Variants in PHACTR4 observed in about 807,000 individuals in gnomAD.
The protein encoded by PHACTR4 is phosphatase and actin regulator 4.
In PHACTR4, 51 loss-of-function variants were observed where a neutral mutation model predicts 72.7. The ratio of observed to expected loss-of-function variants is 0.70; its 90% CI spans 0.56 to 0.89. The LOEUF is 0.89. Ranked by LOEUF, PHACTR4 falls within the 40% of genes least tolerant of loss-of-function variation. The probability of loss-of-function intolerance (pLI) is 0.00; values close to 1 mark genes in which losing one functional copy is unlikely to be tolerated. For missense variants in PHACTR4, 731 were observed against 861.8 expected (o/e 0.85, Z 1.90); for synonymous variants, 255 against 302.5 (o/e 0.84, Z 1.63).
At chr1:28,375,009 GA>G (rs1326448419) in intron 1 of PHACTR4, among the ~76,000 whole-genome samples, 2 of 152,096 alleles carry the variant, frequency 1.3e-5, no homozygotes, top group African/African-American at 4.8e-5. Flanking sequence ...ACTACTATTA[GA>G]AGAAGAGGCC....
chr1:28,494,225 T>G (rs1661201645), intron 13 of PHACTR4: 1 of 152,026 alleles, frequency 6.6e-6, no homozygotes, highest in South Asian at 2.1e-4. Flanking sequence ...TATTTTTTGA[T>G]TTAGGCAGGG....
At chr1:28,403,503 A>G (rs527253620) in intron 1 of PHACTR4, among the ~76,000 whole-genome samples, 3 of 152,312 alleles carry the variant, frequency 2.0e-5, no homozygotes, top group East Asian at 1.9e-4. Context: ...AGCCAGTGCA[A>G]CAGCATGCTA....
At chr1:28,446,873 T>C (rs1382998415) in intron 2 of PHACTR4, among the ~76,000 whole-genome samples, 1 of 152,178 alleles carries the variant, frequency 6.6e-6, no homozygotes, top group Non-Finnish European at 1.5e-5. Context: ...TCTTCCACCA[T>C]GATTGTAAGT....
chr1:28,440,226 C>T (rs1424563849), intron 2 of PHACTR4, among the ~76,000 whole-genome samples: 7 of 144,736 alleles, frequency 4.8e-5, no homozygotes, highest in East Asian at 2.2e-4. Flanking sequence ...GGCGTGAACC[C>T]GGGAGGCGGA....
At chr1:28,457,110 G>A (rs1255075457) in intron 2 of PHACTR4, among the ~76,000 whole-genome samples, 2 of 152,028 alleles carry the variant, frequency 1.3e-5, no homozygotes, top group Non-Finnish European at 2.9e-5. Context: ...TCTGGGCATA[G>A]CAAACTAATG....
At chr1:28,494,920 G>A (rs1230617598) in intron 13 of PHACTR4, among the ~76,000 whole-genome samples, 1 of 152,114 alleles carries the variant, frequency 6.6e-6, no homozygotes, top group Non-Finnish European at 1.5e-5. Flanking sequence ...AGGATGAAGA[G>A]ACTAGCAGCA....
chr1:28,457,504 G>A (rs1658476775), intron 2 of PHACTR4, among the ~76,000 whole-genome samples: 1 of 152,070 alleles, frequency 6.6e-6, no homozygotes, highest in Non-Finnish European at 1.5e-5. Flanking sequence ...TCAGGAGGCT[G>A]AGGCAGGAGG....
chr1:28,476,385 GT>G, intron 8 of PHACTR4, 94 bp downstream of exon 8: 1 of 1,289,382 alleles, frequency 7.8e-7, no homozygotes, highest in Non-Finnish European at 1.0e-6. Flanking sequence ...ATGGAAACAG[GT>G]ACCTTCTCCC....
chr1:28,452,890 GGGTGGATCACTTGA>G (rs1340985243), intron 2 of PHACTR4, among the ~76,000 whole-genome samples: 3 of 152,188 alleles, frequency 2.0e-5, no homozygotes, highest in Non-Finnish European at 4.4e-5. Context: ...AGGCCAAGGT[GGGTGGATCACTTGA>G]GGTCAGGAGC....
At chr1:28,378,283 C>G (rs1430653677) in intron 1 of PHACTR4, among the ~76,000 whole-genome samples, 1 of 148,438 alleles carries the variant, frequency 6.7e-6, no homozygotes, top group African/African-American at 2.5e-5. Flanking sequence ...GGGTGGATCA[C>G]CTGAGGTCAG....
At chr1:28,457,949 G>A (rs1462742894) in intron 2 of PHACTR4, 2 of 809,182 alleles carry the variant, frequency 2.5e-6, no homozygotes, top group Admixed American at 1.3e-4. Context: ...TTAAATTCTT[G>A]GCCCCGCCTT....
chr1:28,409,484 A>G (rs1192038438), intron 2 of PHACTR4, among the ~76,000 whole-genome samples: 1 of 152,126 alleles, frequency 6.6e-6, no homozygotes, highest in African/African-American at 2.4e-5. Context: ...AGTACTTTTC[A>G]TTTTAAAATA....
intron 2 of PHACTR4, among the ~76,000 whole-genome samples, chr1:28,454,246 G>T (rs1658195916): frequency 1.4e-5 from 2 of 139,996 alleles, no homozygotes; most frequent in Admixed American, 1.4e-4. Flanking sequence ...AAAATTAATA[G>T]AACTAAGAGA....
chr1:28,386,608 T>C (rs1194815657), intron 1 of PHACTR4, among the ~76,000 whole-genome samples: 2 of 152,176 alleles, frequency 1.3e-5, no homozygotes, highest in Non-Finnish European at 2.9e-5. Flanking sequence ...TGCTCCTATG[T>C]TGGGTATATA....
At chr1:28,370,265 A>T (rs1014515310) in intron 1 of PHACTR4, among the ~76,000 whole-genome samples, 1 of 152,050 alleles carries the variant, frequency 6.6e-6, no homozygotes, top group African/African-American at 2.4e-5. Flanking sequence ...AGACCTCTGC[A>T]CCCCTGCTGG....
rs563370022 is a variant in PHACTR4, at chr1:28,391,691, T to C, written c.-38-15719T>C. On this transcript the variant is annotated intron_variant, in intron 1 of 13. Coordinates refer to ENST00000373839, the MANE Select transcript of PHACTR4 (RefSeq NM_001048183.3). ...CATGATCTTGGCTCACTGCAACCTC[T>C]GCCTCCCAGGTTCAAGCGATTCTCC... 2.1e-4 allele frequency among the ~76,000 whole-genome samples: 31 copies of C among 148,788 alleles called. No individual in the cohort carries two copies. In the South Asian group the frequency reaches 5.7e-3, roughly 27 times the overall value.
chr1:28,395,207 C>T (rs560954997), intron 1 of PHACTR4, among the ~76,000 whole-genome samples: 1 of 152,170 alleles, frequency 6.6e-6, no homozygotes, highest in South Asian at 2.1e-4. Context: ...CCACCAGGCC[C>T]GGCTGGCCAT....
At chr1:28,379,275 T>C (rs917738159) in intron 1 of PHACTR4, among the ~76,000 whole-genome samples, 5 of 151,232 alleles carry the variant, frequency 3.3e-5, no homozygotes, top group Admixed American at 2.0e-4. Flanking sequence ...TTCTTTCTTT[T>C]TTTTTTTTTT....
rs374194308 is a variant in PHACTR4, at chr1:28,476,093, T to C, written c.1422-14T>C. On this transcript the variant is annotated splice_polypyrimidine_tract_variant and intron_variant, in intron 7 of 13. Coordinates refer to ENST00000373839, the MANE Select transcript of PHACTR4 (RefSeq NM_001048183.3). ...CATTTCTAAAAGGAAAATATAATTATGTTAATTTGTTAGTCCAGACGATGA... is the reference window on the plus strand; with the variant it reads ...CATTTCTAAAAGGAAAATATAATTACGTTAATTTGTTAGTCCAGACGATGA... 112 of 1,581,324 alleles carry C rather than the reference T, an allele frequency of 7.1e-5. No individual in the cohort carries two copies. The highest frequency in any genetic ancestry group is 3.7e-4 in the Middle Eastern group (2 of 5,474).
Sources: allele counts gnomAD v4.1 joint callset (sites outside exome capture counted in the v4.1 genomes callset), GRCh38; gene constraint gnomAD v4.1.1; transcripts MANE v1.5; gene names NCBI Gene and HGNC (gene_info 2026-07-23, HGNC 2026-07-21).